The following DIP2C variants were observed in gnomAD, a reference collection of about 807,000 sequenced individuals.
The protein encoded by DIP2C is disco-interacting protein 2 homolog C.
In DIP2C, 33 loss-of-function variants were observed where a neutral mutation model predicts 192.4. That is an observed-to-expected ratio of 0.17 (90% CI 0.13 to 0.23). The LOEUF is 0.23. DIP2C is among the 10% of genes least tolerant of loss of function. The probability of loss-of-function intolerance (pLI) is 1.00; values close to 1 mark genes in which losing one functional copy is unlikely to be tolerated. For synonymous variants in DIP2C, 979 were observed against 864.1 expected (o/e 1.13, Z -2.33); for missense variants, 1,537 against 2,110.1 (o/e 0.73, Z 5.32).
rs758603296 is a variant in DIP2C at position 416,431 on chromosome 10, G to A, written c.740-543C>T. ...CGGGCTCAGGTTTCAGCACCACCAC[G>A]CCCAAGCCCTGTCCACTCCTAATAA... On this transcript the variant is annotated intron_variant, in intron 6 of 36. Transcript: ENST00000280886. Among the ~76,000 whole-genome samples the A allele has an allele frequency of 7.2e-5, 11 of 152,178 alleles. 1 individual carries two copies. Among genetic ancestry groups the A allele is most frequent in the South Asian group, 4.2e-4 (2 of 4,818 alleles).
At chr10:306,780 T>C (rs1274297325) in intron 32 of DIP2C, among the ~76,000 whole-genome samples, 9 of 152,200 alleles carry the variant, frequency 5.9e-5, no homozygotes, top group African/African-American at 1.9e-4. Flanking sequence ...CCGGAGCTCA[T>C]AGTGACAGCA....
At chr10:523,941 G>A (rs1254036950) in intron 1 of DIP2C, among the ~76,000 whole-genome samples, 1 of 152,218 alleles carries the variant, frequency 6.6e-6, no homozygotes, top group Non-Finnish European at 1.5e-5. Flanking sequence ...AGGAACCTGA[G>A]GGGTGGGCCA....
chr10:541,792 C>G (rs1382015852), intron 1 of DIP2C, among the ~76,000 whole-genome samples: 7 of 151,986 alleles, frequency 4.6e-5, no homozygotes, highest in Admixed American at 4.6e-4. Context: ...TTCACCTGAC[C>G]ACACCTGTCT....
chr10:391,157 A>G (rs1418007690), intron 10 of DIP2C, among the ~76,000 whole-genome samples: 1 of 152,232 alleles, frequency 6.6e-6, no homozygotes, highest in Admixed American at 6.5e-5. Context: ...GGGTCGCGTT[A>G]AGAGCCTGCT....
At chr10:634,098 T>A (rs1362770639) in intron 1 of DIP2C, among the ~76,000 whole-genome samples, 2 of 152,140 alleles carry the variant, frequency 1.3e-5, no homozygotes, top group Admixed American at 6.5e-5. Flanking sequence ...TGCCTAGTGA[T>A]CCCGCATTAT....
chr10:329,488 T>C lies in DIP2C; in HGVS notation c.3698A>G (p.Tyr1233Cys). Residue 1233 changes from tyrosine (Y) to cysteine (C), a missense_variant, in exon 30 of 37, where the codon TAC becomes TGC. Physicochemically the swap from Tyr to Cys is radical, Grantham distance 194. Coordinates refer to ENST00000280886, the MANE Select transcript of DIP2C (RefSeq NM_014974.3). Reference sequence around the variant, plus strand: ...CTTGGTGCACAGCTCCATCACGGAGTAGGAGCAAAACGTGTCTCGGACTTT... The same window carrying C: ...CTTGGTGCACAGCTCCATCACGGAGCAGGAGCAAAACGTGTCTCGGACTTT... ...QYKVRDTFCS[Y>C]SVMELCTKGL... is the part of the protein sequence containing the mutation. The C allele has an allele frequency of 6.2e-7, 1 of 1,613,978 alleles. No individual in the cohort carries two copies. Among genetic ancestry groups the C allele is most frequent in the Non-Finnish European group, 8.5e-7 (1 of 1,179,994 alleles).
intron 17 of DIP2C, among the ~76,000 whole-genome samples, chr10:372,600 A>G (rs1480260766): frequency 6.6e-6 from 1 of 152,216 alleles, no homozygotes; most frequent in Non-Finnish European, 1.5e-5. Context: ...TTCCCTTGCT[A>G]GTCGGAGAAA....
At chr10:457,993 C>T (rs1031288641) in intron 3 of DIP2C, among the ~76,000 whole-genome samples, 6 of 152,194 alleles carry the variant, frequency 3.9e-5, no homozygotes, top group Non-Finnish European at 8.8e-5. Flanking sequence ...CCACCCACAC[C>T]ATCCAGCATG....
At chr10:321,633 GCTCC>G in intron 31 of DIP2C, among the ~76,000 whole-genome samples, 1 of 114,796 alleles carries the variant, frequency 8.7e-6, no homozygotes, top group African/African-American at 3.4e-5. Flanking sequence ...GGGGTGCGGG[GCTCC>G]GGCGAGAGAC....
At chr10:427,134 C>A (rs1966646466) in intron 4 of DIP2C, among the ~76,000 whole-genome samples, 1 of 152,178 alleles carries the variant, frequency 6.6e-6, no homozygotes, top group Non-Finnish European at 1.5e-5. Context: ...AGTGTAAAAT[C>A]TGAGTGTCAG....
At chr10:487,213 T>C (rs1411385083) in intron 1 of DIP2C, among the ~76,000 whole-genome samples, 1 of 152,198 alleles carries the variant, frequency 6.6e-6, no homozygotes, top group East Asian at 1.9e-4. Context: ...GCCCTTCCCA[T>C]TCACAAGCTC....
At chr10:287,224 C>T (rs1256840269) in intron 33 of DIP2C, among the ~76,000 whole-genome samples, 1 of 152,034 alleles carries the variant, frequency 6.6e-6, no homozygotes, top group African/African-American at 2.4e-5. Context: ...GCTGGGATTA[C>T]AGGCATGAGA....
At position 369,599 on chromosome 10, in the gene DIP2C, C is replaced by T; in HGVS notation, c.2026G>A (p.Gly676Ser). Reference protein sequence around the residue: ...TDDSNQPPGRGVLSMHGLTYG... With the variant: ...TDDSNQPPGRSVLSMHGLTYG... ...GTCAGTCCATGCATGGAGAGGACAC[C>T]CCGGCCCGGGGGCTGGTTACTGTCA... is the stretch of plus-strand genomic sequence containing the variant. The change falls in exon 18 of 37, where the codon GGT (glycine) becomes AGT (serine). Residue 676 changes from glycine (G) to serine (S), a missense_variant. By Grantham distance (56) the Gly-to-Ser change is moderately conservative. Transcript: ENST00000280886. 6.2e-7 allele frequency: 1 copy of T among 1,613,620 alleles called. No individual in the cohort carries two copies. The highest frequency in any genetic ancestry group is 8.5e-7 in the Non-Finnish European group (1 of 1,179,778).
chr10:575,549 G>A (rs1850097546), intron 1 of DIP2C, among the ~76,000 whole-genome samples: 1 of 152,220 alleles, frequency 6.6e-6, no homozygotes, highest in Admixed American at 6.5e-5. Context: ...TCGCAAAGGG[G>A]CTTCTCCCTG....
Position 533,415 on chromosome 10 carries a change from G to A in DIP2C, c.86-46885C>T, listed in dbSNP as rs983997055. Among the ~76,000 whole-genome samples the A allele has an allele frequency of 2.6e-5, 4 of 152,050 alleles. No homozygotes were observed. The South Asian group carries it at 8.3e-4, about 32-fold the overall frequency. ...AGCCCGGGCACCATAACAGCCTCGG[G>A]GCAAACTAAACAAAGGCTTGTTTCT... On this transcript the variant is annotated intron_variant, in intron 1 of 36. Transcript: ENST00000280886.
chr10:308,461 T>A lies in DIP2C; in HGVS notation c.3986+1570A>T, dbSNP rs535724771. ...CAGAACTGCATACATGTGTTATTGA[T>A]GAGCTACTGCTCACTCCTTCAGGAA... On this transcript the variant is annotated intron_variant, in intron 32 of 36. Transcript: ENST00000280886. Among the ~76,000 whole-genome samples, 4 of 149,770 alleles carry A rather than the reference T, an allele frequency of 2.7e-5. No individual in the cohort carries two copies. The East Asian group carries it at 7.7e-4, about 29-fold the overall frequency.
intron 31 of DIP2C, among the ~76,000 whole-genome samples, chr10:323,916 T>G (rs1214812555): frequency 6.6e-6 from 1 of 152,152 alleles, no homozygotes; most frequent in Non-Finnish European, 1.5e-5. Flanking sequence ...TCCACTCTGC[T>G]TGTTTCTATC....
At chr10:564,880 TCA>T (rs934263181) in intron 1 of DIP2C, among the ~76,000 whole-genome samples, 3 of 152,148 alleles carry the variant, frequency 2.0e-5, no homozygotes, top group African/African-American at 7.2e-5. Context: ...CCTAGAAGAC[TCA>T]CACACACAGT....
At chr10:524,321 C>CT (rs1430253667) in intron 1 of DIP2C, among the ~76,000 whole-genome samples, 4 of 152,188 alleles carry the variant, frequency 2.6e-5, no homozygotes, top group Non-Finnish European at 5.9e-5. Flanking sequence ...CACAGGGTCC[C>CT]TGCTCAGATG....
Sources: allele counts gnomAD v4.1 joint callset (sites outside exome capture counted in the v4.1 genomes callset), GRCh38; gene constraint gnomAD v4.1.1; transcripts MANE v1.5; gene names NCBI Gene and HGNC (gene_info 2026-07-23, HGNC 2026-07-21).